The following TRAPPC9 variants were observed in gnomAD, a reference collection of about 807,000 sequenced individuals.
TRAPPC9 encodes the protein trafficking protein particle complex subunit 9, also known as IKK2 binding protein.
TRAPPC9 carries 83 observed loss-of-function variants against 124.0 expected under a neutral mutation model. That is an observed-to-expected ratio of 0.67 (90% CI 0.56 to 0.80). The LOEUF (loss-of-function observed/expected upper bound fraction) is 0.80. TRAPPC9 is among the 30% of genes least tolerant of loss of function. The pLI is 0.00. For synonymous variants in TRAPPC9, 638 were observed against 617.5 expected (o/e 1.03, Z -0.49); for missense variants, 1,302 against 1,508.3 (o/e 0.86, Z 2.27).
At chr8:139,806,719 T>G (rs1347001934) in intron 21 of TRAPPC9, among the ~76,000 whole-genome samples, 1 of 152,202 alleles carries the variant, frequency 6.6e-6, no homozygotes, top group Non-Finnish European at 1.5e-5. Context: ...CCATTTCTGT[T>G]GCTGGCAGTT....
At chr8:139,790,829 G>T (rs1270528939) in intron 21 of TRAPPC9, among the ~76,000 whole-genome samples, 1 of 152,232 alleles carries the variant, frequency 6.6e-6, no homozygotes, top group East Asian at 1.9e-4. Flanking sequence ...TCGATGTAGG[G>T]GTGGATTTCT....
intron 6 of TRAPPC9, among the ~76,000 whole-genome samples, chr8:140,403,783 G>A (rs1367396623): frequency 2.6e-5 from 4 of 151,636 alleles, no homozygotes; most frequent in Admixed American, 6.6e-5. Flanking sequence ...TCAGCCTCCC[G>A]AGTAGCTGGG....
chr8:140,116,119 T>A (rs1336716306), intron 17 of TRAPPC9, among the ~76,000 whole-genome samples: 1 of 152,010 alleles, frequency 6.6e-6, no homozygotes, highest in East Asian at 1.9e-4. Context: ...ACGCAGGATA[T>A]GAGGGGTCAG....
At chr8:139,880,268 C>G (rs1321917168) in intron 21 of TRAPPC9, among the ~76,000 whole-genome samples, 2 of 152,106 alleles carry the variant, frequency 1.3e-5, no homozygotes, top group Non-Finnish European at 2.9e-5. Flanking sequence ...GGCTCCCAAG[C>G]AAAGCAAAGA....
At chr8:140,392,102 T>G (rs981373739) in intron 7 of TRAPPC9, among the ~76,000 whole-genome samples, 4 of 151,920 alleles carry the variant, frequency 2.6e-5, no homozygotes, top group African/African-American at 9.7e-5. Context: ...ATGTGGTACA[T>G]AGAGCTTGGA....
chr8:139,794,454 T>C (rs890984608), intron 21 of TRAPPC9, among the ~76,000 whole-genome samples: 2 of 152,194 alleles, frequency 1.3e-5, no homozygotes, highest in Non-Finnish European at 2.9e-5. Flanking sequence ...ATGGAGGCAT[T>C]CTCGCTTACC....
At chr8:139,827,798 G>C (rs1331060210) in intron 21 of TRAPPC9, among the ~76,000 whole-genome samples, 2 of 152,204 alleles carry the variant, frequency 1.3e-5, no homozygotes, top group African/African-American at 2.4e-5. Context: ...GGCTCACAGT[G>C]CTGCAGGCTG....
At chr8:140,366,564 A>G (rs1262201486) in intron 8 of TRAPPC9, among the ~76,000 whole-genome samples, 1 of 152,220 alleles carries the variant, frequency 6.6e-6, no homozygotes, top group Admixed American at 6.5e-5. Flanking sequence ...ACTCTTCACA[A>G]AAATTAACTC....
intron 19 of TRAPPC9, among the ~76,000 whole-genome samples, chr8:139,944,072 C>T (rs1017568391): frequency 6.6e-6 from 1 of 151,968 alleles, no homozygotes; most frequent in Non-Finnish European, 1.5e-5. Flanking sequence ...TTGGCAAAAC[C>T]CAAGCAGAAT....
At chr8:140,269,796 G>C (rs1326930005) in intron 15 of TRAPPC9, among the ~76,000 whole-genome samples, 2 of 152,030 alleles carry the variant, frequency 1.3e-5, no homozygotes, top group African/African-American at 4.8e-5. Flanking sequence ...TGAAGTCAGA[G>C]ACATAAGGAA....
chr8:140,450,837 A>G lies in TRAPPC9; in HGVS notation c.537T>C (p.Cys179=), dbSNP rs777171056. ...DKSGDKIPLL[C]VPFEKKDFVG... is the part of the protein sequence containing the mutation. ...CAAAGTCCTTTTTCTCAAACGGGAC[A>G]CAGAGAAGGGGGATCTTATCCCCAG... Residue 179 remains cysteine, a synonymous_variant, in exon 2 of 23, where the codon TGT becomes TGC. Transcript: ENST00000438773. The G allele has an allele frequency of 6.2e-7, 1 of 1,613,528 alleles. No individual in the cohort carries two copies. The highest frequency in any genetic ancestry group is 8.5e-7 in the Non-Finnish European group (1 of 1,179,812).
chr8:139,894,262 C>A (rs559034198), intron 20 of TRAPPC9, among the ~76,000 whole-genome samples: 194 of 152,368 alleles, frequency 1.3e-3, no homozygotes, highest in African/African-American at 4.5e-3. Context: ...AAGACCCTCA[C>A]CGAGCAGTGT....
At chr8:140,385,837 T>C (rs1282404152) in intron 7 of TRAPPC9, among the ~76,000 whole-genome samples, 1 of 152,192 alleles carries the variant, frequency 6.6e-6, no homozygotes, top group African/African-American at 2.4e-5. Context: ...ATCATCCTGA[T>C]ACCATAGCCT....
chr8:140,016,566 C>T (rs777288779), intron 18 of TRAPPC9, among the ~76,000 whole-genome samples: 2 of 152,144 alleles, frequency 1.3e-5, no homozygotes, highest in African/African-American at 2.4e-5. Flanking sequence ...TTTTATGACT[C>T]GATTCCTTTG....
intron 19 of TRAPPC9, among the ~76,000 whole-genome samples, chr8:139,924,935 G>T (rs1162830711): frequency 6.6e-6 from 1 of 152,218 alleles, no homozygotes; most frequent in Non-Finnish European, 1.5e-5. Context: ...GAGCAGGGGG[G>T]TCAGCGGTGT....
intron 17 of TRAPPC9, among the ~76,000 whole-genome samples, chr8:140,117,665 GAACA>G (rs1409634165): frequency 1.2e-4 from 18 of 152,116 alleles, no homozygotes; most frequent in African/African-American, 2.4e-4. Context: ...GTTTTGGAGA[GAACA>G]AACATTCAAA....
chr8:140,041,968 C>CAA (rs35612059), intron 17 of TRAPPC9, among the ~76,000 whole-genome samples: 8 of 136,196 alleles, frequency 5.9e-5, no homozygotes, highest in African/African-American at 2.1e-4. Flanking sequence ...AAGATTGTCT[C>CAA]AAAAAAAAAA....
At chr8:139,856,837 ACATTCATCTACCCACC>A (rs993559111) in intron 21 of TRAPPC9, among the ~76,000 whole-genome samples, 12 of 152,040 alleles carry the variant, frequency 7.9e-5, no homozygotes, top group Non-Finnish European at 1.8e-4. Flanking sequence ...ATTCATTCAA[ACATTCATCTACCCACC>A]CATTCATTCT....
chr8:140,166,727 GCTGGTTTCTAGACACCTGCAC>G (rs1169292941), intron 17 of TRAPPC9, among the ~76,000 whole-genome samples: 2 of 152,232 alleles, frequency 1.3e-5, no homozygotes, highest in Non-Finnish European at 1.5e-5. Context: ...GAATGGGAGT[GCTGGTTTCTAGACACCTGCAC>G]CTAGAGCTTA....
Sources: allele counts gnomAD v4.1 joint callset (sites outside exome capture counted in the v4.1 genomes callset), GRCh38; gene constraint gnomAD v4.1.1; transcripts MANE v1.5; gene names NCBI Gene and HGNC (gene_info 2026-07-23, HGNC 2026-07-21).